TMC1: variants seen among roughly 807,000 people sequenced by gnomAD.
TMC1 encodes the protein transmembrane channel-like protein 1.
Under a neutral mutation model 105.8 loss-of-function variants are expected in TMC1, and 84 were observed. The ratio of observed to expected loss-of-function variants is 0.79; its 90% confidence interval spans 0.67 to 0.95. TMC1 has a LOEUF of 0.95. Among genes scored for constraint, TMC1 ranks in the 40% least tolerant of loss-of-function variants. The probability of loss-of-function intolerance (pLI) is 0.00; values close to 1 mark genes in which losing one functional copy is unlikely to be tolerated. For missense variants in TMC1, 817 were observed against 914.1 expected, an observed-to-expected ratio of 0.89 and a Z score of 1.37; for synonymous variants, 315 against 311.5, an observed-to-expected ratio of 1.01 and a Z score of -0.12.
chr9:72,743,720 AAGGAAGG>A (rs1827439164), intron 10 of TMC1, among the ~76,000 whole-genome samples: 1 of 111,772 alleles, frequency 8.9e-6, no homozygotes, highest in Non-Finnish European at 1.9e-5. Flanking sequence ...CATAGGAAGG[AAGGAAGG>A]AAGGAAGGAA....
chr9:72,662,381 G>A (rs1825981563), intron 5 of TMC1, among the ~76,000 whole-genome samples: 2 of 147,638 alleles, frequency 1.4e-5, no homozygotes, highest in Non-Finnish European at 3.0e-5. Flanking sequence ...ATTTTTAGTA[G>A]AGGCAGGGTT....
intron 8 of TMC1, among the ~76,000 whole-genome samples, chr9:72,736,667 T>C (rs117410767): frequency 6.6e-6 from 1 of 152,222 alleles, no homozygotes; most frequent in Admixed American, 6.5e-5. Flanking sequence ...TCTATTTATA[T>C]GTGTTCATTA....
chr9:72,824,030 A>G (rs1331613774), intron 20 of TMC1, among the ~76,000 whole-genome samples: 1 of 152,232 alleles, frequency 6.6e-6, no homozygotes, highest in South Asian at 2.1e-4. Flanking sequence ...CTGGACTCAC[A>G]GAGGGGCACC....
chr9:72,566,642 C>G (rs1305037008), intron 1 of TMC1, among the ~76,000 whole-genome samples: 1 of 152,098 alleles, frequency 6.6e-6, no homozygotes, highest in African/African-American at 2.4e-5. Context: ...CACAGGAAGC[C>G]CTGCTCTGAG....
At chr9:72,705,031 TA>T (rs1464121333) in intron 8 of TMC1, among the ~76,000 whole-genome samples, 1 of 152,208 alleles carries the variant, frequency 6.6e-6, no homozygotes, top group Non-Finnish European at 1.5e-5. Context: ...TCACATCATT[TA>T]AAAATATCCA....
intron 2 of TMC1, among the ~76,000 whole-genome samples, chr9:72,607,118 C>G (rs944340188): frequency 6.6e-6 from 1 of 151,788 alleles, no homozygotes; most frequent in African/African-American, 2.4e-5. Context: ...TGGTGTAATG[C>G]CCAATACATT....
At chr9:72,730,154 T>C (rs1827186092) in intron 8 of TMC1, among the ~76,000 whole-genome samples, 1 of 152,202 alleles carries the variant, frequency 6.6e-6, no homozygotes, top group Non-Finnish European at 1.5e-5. Context: ...TGACCAAGAC[T>C]AGGTCATAGA....
chr9:72,742,652 A>G (rs1324171258), intron 10 of TMC1, 127 bp downstream of exon 10: 16 of 825,026 alleles, frequency 1.9e-5, no homozygotes, highest in Non-Finnish European at 3.0e-5. Context: ...ACAAACAAAA[A>G]CCAAATCAAC....
intron 1 of TMC1, among the ~76,000 whole-genome samples, chr9:72,574,819 G>A (rs891993508): frequency 5.9e-5 from 9 of 152,102 alleles, no homozygotes; most frequent in African/African-American, 1.7e-4. Context: ...CCCCACATAC[G>A]CTGCTGATCT....
At chr9:72,578,154 C>G (rs1043961127) in intron 2 of TMC1, 131 bp downstream of exon 2, 1 of 152,220 alleles carries the variant, frequency 6.6e-6, no homozygotes, top group African/African-American at 2.4e-5. Context: ...CAGGCATGAA[C>G]CACTGCACCC....
chr9:72,725,336 T>TAC, intron 8 of TMC1, among the ~76,000 whole-genome samples: 1 of 101,922 alleles, frequency 9.8e-6, no homozygotes, highest in African/African-American at 4.2e-5. Flanking sequence ...TATATATATA[T>TAC]ATATATATAT....
chr9:72,681,487 C>A (rs926831220), intron 5 of TMC1, among the ~76,000 whole-genome samples: 2 of 152,046 alleles, frequency 1.3e-5, no homozygotes, highest in African/African-American at 4.8e-5. Context: ...TACCTAATTG[C>A]AGTTTCTCAC....
chr9:72,587,107 G>A (rs975429828), intron 2 of TMC1, among the ~76,000 whole-genome samples: 1 of 152,176 alleles, frequency 6.6e-6, no homozygotes, highest in Admixed American at 6.5e-5. Flanking sequence ...AAATTATCTG[G>A]CCCAAAATAT....
At chr9:72,779,506 A>G (rs1828058009) in intron 13 of TMC1, among the ~76,000 whole-genome samples, 1 of 152,214 alleles carries the variant, frequency 6.6e-6, no homozygotes, top group South Asian at 2.1e-4. Flanking sequence ...CAATACGATG[A>G]ACCTAAGAAT....
At chr9:72,818,727 CAG>C (rs1828827503) in intron 19 of TMC1, 1 of 152,158 alleles carries the variant, frequency 6.6e-6, no homozygotes, top group South Asian at 2.1e-4. Context: ...TTTTTACTGA[CAG>C]ATGATGGGAT....
intron 13 of TMC1, among the ~76,000 whole-genome samples, 158 bp downstream of exon 13, chr9:72,772,713 A>G (rs999357401): frequency 6.6e-6 from 1 of 152,196 alleles, no homozygotes; most frequent in Non-Finnish European, 1.5e-5. Context: ...CACTAATGTT[A>G]GACTATTACA....
rs980097131 is a variant in TMC1 at position 72,806,575 on chromosome 9, C to T, written c.1695+1065C>T. Among the ~76,000 whole-genome samples the T allele has an allele frequency of 2.0e-5, 3 of 150,250 alleles. No homozygotes were observed. The South Asian group carries it at 6.3e-4, about 31-fold the overall frequency. On this transcript the variant is annotated intron_variant, in intron 18 of 23. Transcript: ENST00000297784. ...AGTTGCCGGGCAGAGGGTCTCCTCA[C>T]TTCTCAGATGGGGCGGCCGGGCAGA... is the stretch of plus-strand genomic sequence containing the variant.
chr9:72,542,475 C>A (rs865969222), intron 1 of TMC1, among the ~76,000 whole-genome samples: 2 of 151,778 alleles, frequency 1.3e-5, no homozygotes, highest in African/African-American at 4.8e-5. Context: ...AAACAATTAA[C>A]TGGGTGTGGT....
intron 6 of TMC1, among the ~76,000 whole-genome samples, chr9:72,694,103 C>T (rs544719278): frequency 9.2e-5 from 14 of 152,070 alleles, no homozygotes; most frequent in African/African-American, 2.9e-4. Flanking sequence ...ACCTCTTTAA[C>T]GTTCCTCTTC....
Sources: gnomAD v4.1 joint callset for allele counts (sites outside exome capture counted in the v4.1 genomes callset) on GRCh38, gnomAD v4.1.1 for gene constraint, MANE v1.5 for transcripts, NCBI Gene and HGNC (gene_info 2026-07-23, HGNC 2026-07-21) for gene names.